PPA2: variants seen among roughly 807,000 people sequenced by gnomAD.
PPA2 encodes the protein inorganic pyrophosphatase 2.
PPA2 carries 48 observed loss-of-function variants against 49.5 expected under a neutral mutation model. The observed-to-expected ratio is 0.97, with a 90% CI of 0.77 to 1.23. PPA2 has a LOEUF of 1.23. PPA2 is among the 50% of genes most tolerant of loss of function. The pLI, the probability that PPA2 is intolerant of heterozygous loss-of-function variation, is 0.00. For synonymous variants in PPA2, 131 were observed against 139.9 expected (o/e 0.94, Z 0.45); for missense variants, 429 against 410.1 (o/e 1.05, Z -0.40).
At chr4:105,380,369 T>C (rs1578796924) in intron 10 of PPA2, among the ~76,000 whole-genome samples, 1 of 152,212 alleles carries the variant, frequency 6.6e-6, no homozygotes, top group Non-Finnish European at 1.5e-5. Flanking sequence ...ACTTTGAAAA[T>C]GTGTCTTCTT....
intron 1 of PPA2, among the ~76,000 whole-genome samples, chr4:105,466,735 T>C (rs1035637904): frequency 2.0e-5 from 3 of 152,216 alleles, no homozygotes; most frequent in Admixed American, 6.5e-5. Context: ...GTTTTATATG[T>C]TAGCATACTT....
Position 105,453,590 on chromosome 4 carries a change from G to A in PPA2, c.267+8C>T. 6.3e-7 allele frequency: 1 copy of A among 1,588,532 alleles called. No homozygotes were observed. ...GTGATTCACAAAAATAAAAACCTTT[G>A]GATATACCTCATATTCATCATTTCG... On this transcript the variant is annotated splice_region_variant and intron_variant, in intron 3 of 11. Coordinates refer to ENST00000341695, the MANE Select transcript of PPA2 (RefSeq NM_176869.3).
chr4:105,458,890 T>C (rs1000087287), intron 1 of PPA2, among the ~76,000 whole-genome samples: 32 of 151,788 alleles, frequency 2.1e-4, no homozygotes, highest in Non-Finnish European at 4.0e-4. Context: ...ACCAATATTT[T>C]ATTTCCCCCT....
chr4:105,419,574 A>G (rs1723162102), intron 7 of PPA2, among the ~76,000 whole-genome samples: 1 of 152,244 alleles, frequency 6.6e-6, no homozygotes, highest in African/African-American at 2.4e-5. Context: ...AAAATTACAG[A>G]ACTATAACAA....
At chr4:105,398,937 C>T (rs1734250472) in intron 8 of PPA2, 100 bp downstream of exon 8, 3 of 1,222,614 alleles carry the variant, frequency 2.5e-6, no homozygotes, top group Non-Finnish European at 2.2e-6. Flanking sequence ...CTTTTTTAAC[C>T]ATGCTATATA....
chr4:105,412,863 G>T (rs1366714476), intron 7 of PPA2, among the ~76,000 whole-genome samples: 2 of 152,200 alleles, frequency 1.3e-5, no homozygotes, highest in Non-Finnish European at 2.9e-5. Flanking sequence ...GGAGAAACAG[G>T]AATGCTTTTA....
chr4:105,422,489 T>TA (rs143433201), intron 7 of PPA2, among the ~76,000 whole-genome samples: 12,651 of 152,228 alleles, frequency 0.083, 763 homozygotes, highest in Non-Finnish European at 0.13. Flanking sequence ...TTCTAACACT[T>TA]ACGAAACTCA....
intron 9 of PPA2, among the ~76,000 whole-genome samples, chr4:105,390,775 G>A (rs1238840578): frequency 1.3e-5 from 2 of 152,182 alleles, no homozygotes; most frequent in Non-Finnish European, 2.9e-5. Context: ...AAGACAGTGT[G>A]GCGATTCCTC....
At chr4:105,456,186 G>A (rs939283386) in intron 2 of PPA2, 4 of 463,374 alleles carry the variant, frequency 8.6e-6, no homozygotes, top group South Asian at 4.8e-5. Context: ...GTTTCATAGA[G>A]TGGTTAAAGA....
intron 5 of PPA2, among the ~76,000 whole-genome samples, chr4:105,438,639 T>C (rs917757306): frequency 3.3e-5 from 5 of 152,206 alleles, no homozygotes; most frequent in Non-Finnish European, 5.9e-5. Context: ...TTATACCCTG[T>C]TGGTTACAAA....
intron 1 of PPA2, among the ~76,000 whole-genome samples, chr4:105,473,166 CG>C (rs1723596799): frequency 6.6e-6 from 1 of 152,140 alleles, no homozygotes; most frequent in Admixed American, 6.5e-5. Context: ...ATGGGGTACA[CG>C]GAACAATGAG....
At chr4:105,401,253 T>C (rs766252649) in intron 7 of PPA2, among the ~76,000 whole-genome samples, 1 of 152,160 alleles carries the variant, frequency 6.6e-6, no homozygotes, top group Admixed American at 6.5e-5. Context: ...ACAGCTAAGA[T>C]AGTTTAAAAG....
chr4:105,414,285 G>A (rs1266673371), intron 7 of PPA2, among the ~76,000 whole-genome samples: 1 of 152,182 alleles, frequency 6.6e-6, no homozygotes, highest in Non-Finnish European at 1.5e-5. Flanking sequence ...TTAAACCTAT[G>A]GCTCAGTAAT....
At chr4:105,436,603 C>T (rs145150584) in intron 6 of PPA2, among the ~76,000 whole-genome samples, 1 of 152,056 alleles carries the variant, frequency 6.6e-6, no homozygotes, top group South Asian at 2.1e-4. Context: ...TAAAAATAAA[C>T]ATGGTACTGG....
intron 10 of PPA2, among the ~76,000 whole-genome samples, chr4:105,383,689 C>G (rs956674664): frequency 6.6e-6 from 1 of 152,126 alleles, no homozygotes; most frequent in Non-Finnish European, 1.5e-5. Flanking sequence ...CTTGTAATGA[C>G]CATACTTTGA....
chr4:105,412,609 G>A (rs747035760), intron 7 of PPA2, among the ~76,000 whole-genome samples: 2 of 152,034 alleles, frequency 1.3e-5, no homozygotes, highest in African/African-American at 2.4e-5. Context: ...CTAATATCCA[G>A]AATCTACAAA....
chr4:105,438,112 C>T, intron 5 of PPA2, 76 bp from the exon 6 acceptor site: 1 of 1,051,486 alleles, frequency 9.5e-7, no homozygotes, highest in Middle Eastern at 2.8e-4. Context: ...CACATAATCA[C>T]AAAGTTTTAT....
At chr4:105,460,880 T>A (rs1282512400) in intron 1 of PPA2, among the ~76,000 whole-genome samples, 1 of 151,892 alleles carries the variant, frequency 6.6e-6, no homozygotes, top group African/African-American at 2.4e-5. Context: ...GTTTTCTAAT[T>A]GTCATTTGGA....
At position 105,369,772 on chromosome 4, in the gene PPA2, AAG is replaced by A; in HGVS notation, c.977-21_977-20del. The A allele has an allele frequency of 6.4e-7, 1 of 1,573,294 alleles. No homozygotes were observed. The highest frequency in any genetic ancestry group is 8.7e-7 in the Non-Finnish European group (1 of 1,142,962). ...ACTTGCTCTGCATTTAAAATGGGGAAAGAGGGTATTAGGGAAGGGATAAGAGG... is the reference window on the plus strand; with the variant it reads ...ACTTGCTCTGCATTTAAAATGGGGAAAGGGTATTAGGGAAGGGATAAGAGG... On this transcript the variant is annotated intron_variant, in intron 11 of 11. Transcript: ENST00000341695.
Sources: gnomAD v4.1 joint callset for allele counts (sites outside exome capture counted in the v4.1 genomes callset) on GRCh38, gnomAD v4.1.1 for gene constraint, MANE v1.5 for transcripts, NCBI Gene and HGNC (gene_info 2026-07-23, HGNC 2026-07-21) for gene names.